Variants in ADCY7 observed in about 807,000 individuals in gnomAD.
The protein encoded by ADCY7 is adenylate cyclase 7.
ADCY7 carries 72 observed loss-of-function variants against 120.6 expected under a neutral mutation model. That is an observed-to-expected ratio of 0.60 (90% CI 0.49 to 0.73). The LOEUF (loss-of-function observed/expected upper bound fraction) is 0.73, where lower values mean the gene tolerates loss of function less well. Ranked by LOEUF, ADCY7 falls within the 30% of genes least tolerant of loss-of-function variation. The pLI is 0.00. For synonymous variants in ADCY7, 661 were observed against 628.0 expected, an observed-to-expected ratio of 1.05 and a Z score of -0.78; for missense variants, 1,227 against 1,486.0, an observed-to-expected ratio of 0.83 and a Z score of 2.87.
intron 1 of ADCY7, among the ~76,000 whole-genome samples, chr16:50,284,012 G>C (rs1291814602): frequency 6.6e-6 from 1 of 152,216 alleles, no homozygotes; most frequent in African/African-American, 2.4e-5. Flanking sequence ...CCAGGGCCTT[G>C]TGGGGAGGCC....
Position 50,250,472 on chromosome 16 carries a change from A to C in ADCY7, c.-64+4269A>C, listed in dbSNP as rs541468064. ...ACTCTATCTCAAAAAAAAAAAAAAA[A>C]AAAAAAACCTAAAATGCAGTATGTG... On this transcript the variant is annotated intron_variant, in intron 1 of 4. Transcript: ENST00000564044. 4.0e-4 allele frequency among the ~76,000 whole-genome samples: 60 copies of C among 151,858 alleles called. 3 individuals are homozygous for C. In the South Asian group the frequency reaches 0.012, roughly 30 times the overall value.
intron 14 of ADCY7, 27 bp from the exon 15 acceptor site, chr16:50,307,023 A>G: frequency 6.3e-7 from 1 of 1,584,458 alleles, no homozygotes; most frequent in Non-Finnish European, 8.6e-7. Context: ...GCTGGTGGCC[A>G]CCCCTCACAG....
upstream of ADCY7, among the ~76,000 whole-genome samples, chr16:50,245,094 C>G (rs995592123): frequency 1.1e-4 from 17 of 152,220 alleles, no homozygotes; most frequent in African/African-American, 4.1e-4. Flanking sequence ...CCCTCCCACA[C>G]CAAGATCTCT....
Position 50,293,387 on chromosome 16 carries a change from A to G in ADCY7, c.721A>G (p.Ile241Val). 1 of 1,613,790 alleles carries G rather than the reference A, an allele frequency of 6.2e-7. No individual in the cohort carries two copies. Among genetic ancestry groups the G allele is most frequent in the Non-Finnish European group, 8.5e-7 (1 of 1,179,870 alleles). The change falls in exon 6 of 26, where the codon ATC becomes GTC. Residue 241 changes from isoleucine (I) to valine (V), a missense_variant. Coordinates refer to ENST00000673801, the MANE Select transcript of ADCY7 (RefSeq NM_001114.5). ...NLLLSVLPAH[I>V]SMGMKLAIIE... Reference sequence around the variant, plus strand: ...GCTGCTGTCAGTGCTTCCGGCCCACATCTCCATGGGCATGAAGCTGGCCAT... The same window carrying G: ...GCTGCTGTCAGTGCTTCCGGCCCACGTCTCCATGGGCATGAAGCTGGCCAT...
chr16:50,264,889 T>C (rs181946388), upstream of ADCY7, among the ~76,000 whole-genome samples: 75 of 145,974 alleles, frequency 5.1e-4, no homozygotes, highest in African/African-American at 1.8e-3. Context: ...CAGGCTGGAG[T>C]GCAGTGGTGT....
At chr16:50,310,940 C>T (rs2151084382) in intron 19 of ADCY7, 60 bp downstream of exon 19, 4 of 1,469,548 alleles carry the variant, frequency 2.7e-6, no homozygotes, top group Non-Finnish European at 3.6e-6. Flanking sequence ...TGGTGCCTGC[C>T]TGCTCGCACC....
upstream of ADCY7, chr16:50,246,142 G>C (rs1437001758): frequency 2.0e-5 from 3 of 149,482 alleles, no homozygotes; most frequent in Non-Finnish European, 4.5e-5. Context: ...GGTGAGTGCC[G>C]GGCCAGCCCG....
intron 1 of ADCY7, among the ~76,000 whole-genome samples, chr16:50,253,337 G>A (rs955748971): frequency 2.0e-4 from 31 of 152,164 alleles, no homozygotes; most frequent in East Asian, 7.7e-4. Context: ...TGCAGCCTCC[G>A]CCTCCTGGGT....
chr16:50,272,587 G>T (rs1036123763), intron 1 of ADCY7, among the ~76,000 whole-genome samples: 2 of 152,182 alleles, frequency 1.3e-5, no homozygotes, highest in African/African-American at 2.4e-5. Flanking sequence ...GGAGTTGCAG[G>T]CCCTGCCCCA....
chr16:50,307,230 G>A, intron 15 of ADCY7, 83 bp downstream of exon 15: 1 of 1,396,920 alleles, frequency 7.2e-7, no homozygotes, highest in Non-Finnish European at 9.9e-7. Context: ...GGAGCTGTGT[G>A]ATTTGGGCTG....
chr16:50,265,119 G>A (rs930151034), upstream of ADCY7, among the ~76,000 whole-genome samples: 6 of 152,192 alleles, frequency 3.9e-5, no homozygotes, highest in East Asian at 1.9e-4. Flanking sequence ...TTACAGGCAT[G>A]AGCCACCATG....
intron 17 of ADCY7, 81 bp downstream of exon 17, chr16:50,308,873 A>C (rs1363894114): frequency 6.7e-7 from 1 of 1,493,098 alleles, no homozygotes; most frequent in East Asian, 2.3e-5. Flanking sequence ...TGGCCTTAAA[A>C]GCTGCCTCTG....
rs180847690 is a variant in ADCY7 at position 50,252,277 on chromosome 16, G to A, written c.-64+6074G>A. On this transcript the variant is annotated intron_variant, in intron 1 of 4. Transcript: ENST00000564044. ...AATGGGACTTGTCAGTGTTGAGCAG[G>A]GCTGAGCTCTGCACACATGATTGAC... Among the ~76,000 whole-genome samples, 6 of 152,294 alleles carry A rather than the reference G, an allele frequency of 3.9e-5. No individual in the cohort carries two copies. The East Asian group carries it at 1.2e-3, about 29-fold the overall frequency.
intron 4 of ADCY7, among the ~76,000 whole-genome samples, chr16:50,292,193 G>A (rs926251826): frequency 2.0e-5 from 3 of 152,262 alleles, no homozygotes; most frequent in South Asian, 2.1e-4. Context: ...TCCCATTGCC[G>A]AAGTTTCCCC....
At chr16:50,275,014 T>C (rs1377572034) in intron 1 of ADCY7, among the ~76,000 whole-genome samples, 4 of 152,146 alleles carry the variant, frequency 2.6e-5, no homozygotes, top group African/African-American at 9.7e-5. Context: ...CTCCTCTGCA[T>C]TCCATGGGAG....
At chr16:50,295,559 G>C (rs1236559757) in intron 7 of ADCY7, among the ~76,000 whole-genome samples, 1 of 151,784 alleles carries the variant, frequency 6.6e-6, no homozygotes, top group Non-Finnish European at 1.5e-5. Context: ...TCTTAGCAGG[G>C]GGAACAGCAT....
chr16:50,253,368 A>G (rs2032815811), intron 1 of ADCY7, among the ~76,000 whole-genome samples: 1 of 152,074 alleles, frequency 6.6e-6, no homozygotes, highest in Non-Finnish European at 1.5e-5. Context: ...CTCCTGTCTC[A>G]GCTTCCTGAG....
chr16:50,317,352 C>G lies in ADCY7; in HGVS notation c.*1847C>G, dbSNP rs2036849599. 1 of 152,400 alleles carries G rather than the reference C, an allele frequency of 6.6e-6. No individual in the cohort carries two copies. 9.4% of individuals were successfully genotyped at this position (152,400 alleles called of 1,614,324 possible). The stretch of plus-strand genomic sequence containing the variant: ...TTTCACATGAATACTATACTGAAAT[C>G]TGTGCTCTCAAGATCTAGCAGTGAC... On this transcript the variant is annotated 3_prime_UTR_variant, in exon 26 of 26. Transcript: ENST00000673801.
Position 50,304,417 on chromosome 16 carries a change from C to T in ADCY7, c.1426C>T (p.Leu476=), listed in dbSNP as rs762617109. Residue 476 remains leucine (L), a synonymous_variant, in exon 11 of 26, where the codon CTG becomes TTG. Transcript: ENST00000673801. ...CCCCAGGCCCAAGGGGGACGCGGCC[C>T]TGAAGATGCGGGCGTCAGTGCGCAT... ...HLPRPKGDAA[L]KMRASVRMTR... is the part of the protein sequence containing the mutation. The T allele has an allele frequency of 6.2e-7, 1 of 1,600,404 alleles. No individual in the cohort carries two copies. Among genetic ancestry groups the T allele is most frequent in the East Asian group, 2.2e-5 (1 of 44,552 alleles).
Sources: gnomAD v4.1 joint callset for allele counts (sites outside exome capture counted in the v4.1 genomes callset) on GRCh38, gnomAD v4.1.1 for gene constraint, MANE v1.5 for transcripts, NCBI Gene and HGNC (gene_info 2026-07-23, HGNC 2026-07-21) for gene names.